WWOX: variants seen among roughly 807,000 people sequenced by gnomAD.
The protein encoded by WWOX is WW domain containing oxidoreductase.
Under a neutral mutation model 46.2 loss-of-function variants are expected in WWOX, and 69 were observed. The observed-to-expected ratio is 1.49, with a 90% CI of 1.23 to 1.82. The LOEUF (loss-of-function observed/expected upper bound fraction) is 1.82. Among genes scored for constraint, WWOX ranks in the 40% most tolerant of loss-of-function variants. The pLI is 0.00. For synonymous variants in WWOX, 359 were observed against 202.6 expected (o/e 1.77, Z -6.56); for missense variants, 919 against 542.6 (o/e 1.69, Z -6.89).
intron 8 of WWOX, among the ~76,000 whole-genome samples, chr16:78,840,488 G>T (rs2052109224): frequency 6.6e-6 from 1 of 152,152 alleles, no homozygotes; most frequent in South Asian, 2.1e-4. Context: ...CACTACTTAG[G>T]GAGGCTAATT....
At chr16:78,497,553 A>T (rs957433297) in intron 8 of WWOX, among the ~76,000 whole-genome samples, 12 of 150,544 alleles carry the variant, frequency 8.0e-5, no homozygotes, top group Non-Finnish European at 1.8e-4. Context: ...GAATATTTGC[A>T]AACCACACAT....
At chr16:79,076,195 C>T (rs145212034) in intron 8 of WWOX, among the ~76,000 whole-genome samples, 1 of 152,358 alleles carries the variant, frequency 6.6e-6, no homozygotes, top group East Asian at 1.9e-4. Flanking sequence ...AGGGAACAAA[C>T]TGTCACATTT....
At chr16:79,036,898 C>A (rs1385614979) in intron 8 of WWOX, among the ~76,000 whole-genome samples, 1 of 152,158 alleles carries the variant, frequency 6.6e-6, no homozygotes, top group Non-Finnish European at 1.5e-5. Flanking sequence ...GGGATTCTTT[C>A]AGATGGGCAA....
rs540480335 is a variant in WWOX, at chr16:78,874,885, G to C, written c.1057-336723G>C. Among the ~76,000 whole-genome samples the C allele has an allele frequency of 1.6e-3, 243 of 152,018 alleles. 1 individual carries two copies. The highest frequency in any genetic ancestry group is 5.4e-3 in the African/African-American group (224 of 41,468). Reference sequence around the variant, plus strand: ...CAAGTGGTAAATGATCCCTCAGATAGGCCCAAGAGCTCCCCTTCAAGCATA... The same window carrying C: ...CAAGTGGTAAATGATCCCTCAGATACGCCCAAGAGCTCCCCTTCAAGCATA... On this transcript the variant is annotated intron_variant, in intron 8 of 8. Transcript: ENST00000566780.
chr16:78,633,990 G>C (rs771470325), intron 8 of WWOX, among the ~76,000 whole-genome samples: 1 of 151,436 alleles, frequency 6.6e-6, no homozygotes, highest in Non-Finnish European at 1.5e-5. Context: ...TGAGCCCCTA[G>C]AGAGACCAAA....
At chr16:78,584,632 A>G (rs977612532) in intron 8 of WWOX, among the ~76,000 whole-genome samples, 11 of 152,204 alleles carry the variant, frequency 7.2e-5, no homozygotes, top group East Asian at 3.9e-4. Context: ...ACCAGAGGAC[A>G]TATTCTGTTC....
intron 8 of WWOX, among the ~76,000 whole-genome samples, chr16:78,615,551 G>GA (rs774594028): frequency 2.4e-4 from 36 of 151,954 alleles, no homozygotes; most frequent in Non-Finnish European, 4.7e-4. Flanking sequence ...GGGACTACTA[G>GA]AAAGGTAAGG....
intron 8 of WWOX, among the ~76,000 whole-genome samples, chr16:78,853,100 A>T (rs1023547102): frequency 6.6e-6 from 1 of 152,212 alleles, no homozygotes; most frequent in African/African-American, 2.4e-5. Flanking sequence ...TAATGTCTGT[A>T]AGGTGTTTAA....
Position 78,906,253 on chromosome 16 carries a change from C to G in WWOX, c.1057-305355C>G, listed in dbSNP as rs190462937. ...AGATAGCCATGCTGTTTTGTCTCCA[C>G]AAGGAAGAAGTAGGAGGCATAGCCC... On this transcript the variant is annotated intron_variant, in intron 8 of 8. Transcript: ENST00000566780. Among the ~76,000 whole-genome samples the G allele has an allele frequency of 5.5e-3, 839 of 152,218 alleles. 4 individuals carry two copies. The highest frequency in any genetic ancestry group is 0.019 in the African/African-American group (803 of 41,540).
chr16:78,444,004 T>C (rs1469742622), intron 8 of WWOX, among the ~76,000 whole-genome samples: 1 of 152,196 alleles, frequency 6.6e-6, no homozygotes, highest in Non-Finnish European at 1.5e-5. Flanking sequence ...TTTGTATAAC[T>C]CACTGGACAT....
At chr16:78,542,874 G>T (rs750273062) in intron 8 of WWOX, among the ~76,000 whole-genome samples, 1 of 152,176 alleles carries the variant, frequency 6.6e-6, no homozygotes, top group South Asian at 2.1e-4. Flanking sequence ...GGGCCTGGGG[G>T]TTGTCACAAT....
intron 8 of WWOX, among the ~76,000 whole-genome samples, chr16:78,780,102 C>T (rs543462156): frequency 6.6e-6 from 1 of 152,252 alleles, no homozygotes; most frequent in East Asian, 1.9e-4. Flanking sequence ...TCTCGTACTT[C>T]AGGTCCCTGT....
rs536906826 is a variant in WWOX at position 78,730,617 on chromosome 16, A to ATTTTTTTTTTT, written c.1056+297876_1056+297886dup. 5.9e-3 allele frequency among the ~76,000 whole-genome samples: 723 copies of ATTTTTTTTTTT among 122,978 alleles called. 11 individuals carry two copies. Among genetic ancestry groups the ATTTTTTTTTTT allele is most frequent in the African/African-American group, 0.02 (691 of 33,944 alleles). 80.7% of individuals were successfully genotyped at this position (122,978 alleles called of 152,430 possible). ...CAGGTGCATGCCACCACGCCCGGCA[A>ATTTTTTTTTTT]TTTTTTTTTTTTTTTTTTTTTAAGT... On this transcript the variant is annotated intron_variant, in intron 8 of 8. Transcript: ENST00000566780.
chr16:78,216,287 A>G (rs1374514282), intron 5 of WWOX, among the ~76,000 whole-genome samples: 1 of 152,250 alleles, frequency 6.6e-6, no homozygotes, highest in Admixed American at 6.5e-5. Flanking sequence ...TTTAAAGTAA[A>G]TCAACACTTT....
intron 8 of WWOX, among the ~76,000 whole-genome samples, chr16:78,963,772 A>C (rs762200741): frequency 4.6e-5 from 7 of 152,132 alleles, no homozygotes; most frequent in Non-Finnish European, 8.8e-5. Flanking sequence ...TAAAGGTGCT[A>C]CTGACTTGCT....
At chr16:79,136,009 A>G (rs2049974882) in intron 8 of WWOX, among the ~76,000 whole-genome samples, 2 of 152,174 alleles carry the variant, frequency 1.3e-5, no homozygotes, top group South Asian at 4.1e-4. Flanking sequence ...GTTTGTTTGC[A>G]ACCTTGTAAT....
At chr16:78,281,799 G>C (rs1394325175) in intron 5 of WWOX, among the ~76,000 whole-genome samples, 1 of 152,098 alleles carries the variant, frequency 6.6e-6, no homozygotes, top group African/African-American at 2.4e-5. Flanking sequence ...GCCGTGTTTG[G>C]CCCAGCGGTT....
intron 8 of WWOX, among the ~76,000 whole-genome samples, chr16:79,080,017 G>A (rs959003831): frequency 3.3e-5 from 5 of 152,180 alleles, no homozygotes; most frequent in African/African-American, 1.2e-4. Flanking sequence ...ACGATACCAC[G>A]CACTGCTTTA....
At chr16:78,989,516 G>A (rs140783937) in intron 8 of WWOX, among the ~76,000 whole-genome samples, 5 of 152,180 alleles carry the variant, frequency 3.3e-5, no homozygotes, top group African/African-American at 1.2e-4. Flanking sequence ...GTCAAAGGTA[G>A]TGGGGCCAGC....
Sources: allele counts gnomAD v4.1 joint callset (sites outside exome capture counted in the v4.1 genomes callset), GRCh38; gene constraint gnomAD v4.1.1; transcripts MANE v1.5; gene names NCBI Gene and HGNC (gene_info 2026-07-23, HGNC 2026-07-21).